The following ATXN2 variants were observed in gnomAD, a reference collection of about 807,000 sequenced individuals.
ATXN2 encodes ataxin-2.
Under a neutral mutation model 138.6 loss-of-function variants are expected in ATXN2, and 37 were observed. That is an observed-to-expected ratio of 0.27 (90% CI 0.21 to 0.35). The LOEUF is 0.35. ATXN2 is among the 10% of genes least tolerant of loss of function. ATXN2 has a pLI of 1.00. For synonymous variants in ATXN2, 549 were observed against 543.7 expected (o/e 1.01, Z -0.13); for missense variants, 1,216 against 1,480.3 (o/e 0.82, Z 2.93).
chr12:111,496,284 C>T (rs1230933178), intron 14 of ATXN2, among the ~76,000 whole-genome samples: 1 of 152,114 alleles, frequency 6.6e-6, no homozygotes, highest in Non-Finnish European at 1.5e-5. Context: ...GTAATTCCAG[C>T]ACTTTAGGAG....
chr12:111,498,895 T>C (rs1349637375), intron 14 of ATXN2, among the ~76,000 whole-genome samples: 7 of 152,116 alleles, frequency 4.6e-5, no homozygotes, highest in Non-Finnish European at 1.0e-4. Context: ...AATGAATCCA[T>C]ACGTCTAAGT....
At chr12:111,515,038 T>G (rs1879774991) in intron 10 of ATXN2, among the ~76,000 whole-genome samples, 1 of 152,142 alleles carries the variant, frequency 6.6e-6, no homozygotes. Flanking sequence ...AAGAAAAATA[T>G]CAACAGAATT....
chr12:111,548,718 G>T (rs1229332575), intron 5 of ATXN2, among the ~76,000 whole-genome samples: 1 of 152,036 alleles, frequency 6.6e-6, no homozygotes, highest in African/African-American at 2.4e-5. Flanking sequence ...GACAGAAAGG[G>T]GACTGTGAGG....
intron 14 of ATXN2, among the ~76,000 whole-genome samples, chr12:111,507,922 G>A (rs970409880): frequency 5.9e-5 from 9 of 152,088 alleles, no homozygotes; most frequent in Non-Finnish European, 8.8e-5. Flanking sequence ...GATTAAGGGC[G>A]GTGCAAGATG....
intron 18 of ATXN2, among the ~76,000 whole-genome samples, chr12:111,476,685 A>T (rs1465102361): frequency 6.6e-6 from 1 of 152,238 alleles, no homozygotes; most frequent in African/African-American, 2.4e-5. Context: ...TAAATTTAAG[A>T]AAGCAGGCAC....
intron 14 of ATXN2, among the ~76,000 whole-genome samples, chr12:111,508,444 T>C (rs966137782): frequency 2.9e-5 from 4 of 137,660 alleles, no homozygotes; most frequent in Admixed American, 1.4e-4. Context: ...TGAAAAACTT[T>C]TTTTTTTTTT....
chr12:111,581,236 CTTGG>C (rs1487213766), intron 1 of ATXN2: 1 of 326,928 alleles, frequency 3.1e-6, no homozygotes. Flanking sequence ...AAATAACCCT[CTTGG>C]TCTCAATTTC....
intron 1 of ATXN2, among the ~76,000 whole-genome samples, chr12:111,587,006 A>G (rs1884378784): frequency 6.7e-6 from 1 of 150,258 alleles, no homozygotes; most frequent in African/African-American, 2.4e-5. Flanking sequence ...AGGCTAAAGC[A>G]GGAGGACAGT....
rs752056918 is a variant in ATXN2 at position 111,485,733 on chromosome 12, G to A, written c.2437C>T (p.Pro813Ser). Residue 813 changes from proline (P) to serine (S), a missense_variant, in exon 17 of 25, where the codon CCA (proline) becomes TCA (serine). Transcript: ENST00000673436. ...CFAPNMMYPV[P>S]VSPGVQPLYP... ...CTTACTTGCACGCCTGGGCTCACTG[G>A]GACTGGATACATCATATTTGGTGCA... 1.2e-6 allele frequency: 2 copies of A among 1,613,898 alleles called. No homozygotes were observed. The highest frequency in any genetic ancestry group is 3.3e-5 in the Admixed American group (2 of 59,980).
intron 5 of ATXN2, among the ~76,000 whole-genome samples, chr12:111,540,778 TC>T (rs1436553031): frequency 7.0e-6 from 1 of 141,948 alleles, no homozygotes; most frequent in East Asian, 2.1e-4. Flanking sequence ...CACTGCAACC[TC>T]CACTTCCCAA....
intron 1 of ATXN2, among the ~76,000 whole-genome samples, chr12:111,586,965 CAA>C (rs1884375495): frequency 6.7e-6 from 1 of 149,830 alleles, no homozygotes; most frequent in Non-Finnish European, 1.5e-5. Context: ...TAAAAGTTCT[CAA>C]AGAGGCCATA....
chr12:111,505,306 T>C (rs1879040200), intron 14 of ATXN2, among the ~76,000 whole-genome samples: 1 of 152,180 alleles, frequency 6.6e-6, no homozygotes, highest in Non-Finnish European at 1.5e-5. Flanking sequence ...GATGAAACAG[T>C]ATTTTCTTAG....
At chr12:111,507,854 A>T (rs1040863152) in intron 14 of ATXN2, among the ~76,000 whole-genome samples, 10 of 152,196 alleles carry the variant, frequency 6.6e-5, no homozygotes, top group Admixed American at 6.5e-4. Context: ...TTGATCTATG[A>T]CCTTACCCCC....
chr12:111,524,734 A>G (rs1378433058), intron 6 of ATXN2, among the ~76,000 whole-genome samples: 1 of 152,236 alleles, frequency 6.6e-6, no homozygotes, highest in Non-Finnish European at 1.5e-5. Context: ...TTTAATTCCA[A>G]TGTAACCTAA....
chr12:111,489,079 T>C (rs1242327538), intron 14 of ATXN2, among the ~76,000 whole-genome samples: 2 of 152,178 alleles, frequency 1.3e-5, no homozygotes, highest in African/African-American at 4.8e-5. Context: ...ATAGTTTCTA[T>C]CCTCTTATAC....
At position 111,496,714 on chromosome 12, in the gene ATXN2, C is replaced by T. The variant is rs568500863; in HGVS notation, c.1936-7934G>A. ...AAATGAAAATGGAAACACAGCTTAT[C>T]AAAACCTATAGGATACAGTAAAAGC... On this transcript the variant is annotated intron_variant, in intron 14 of 24. Coordinates refer to ENST00000673436, the MANE Select transcript of ATXN2 (RefSeq NM_001372574.1). 6.1e-4 allele frequency among the ~76,000 whole-genome samples: 93 copies of T among 152,054 alleles called. 1 individual carries two copies. The highest frequency in any genetic ancestry group is 3.4e-3 in the Middle Eastern group (1 of 294).
intron 1 of ATXN2, among the ~76,000 whole-genome samples, chr12:111,565,149 G>A (rs891000182): frequency 1.3e-5 from 2 of 150,232 alleles, no homozygotes; most frequent in Non-Finnish European, 2.9e-5. Flanking sequence ...TAAAATTTGA[G>A]GTTGATCCAC....
At chr12:111,529,152 G>A (rs1285603320) in intron 5 of ATXN2, among the ~76,000 whole-genome samples, 1 of 151,958 alleles carries the variant, frequency 6.6e-6, no homozygotes, top group African/African-American at 2.4e-5. Flanking sequence ...AACACTGTTG[G>A]TAGTAAATAG....
chr12:111,577,226 C>T lies in ATXN2; in HGVS notation c.252-21307G>A, dbSNP rs1202529881. 3.3e-5 allele frequency among the ~76,000 whole-genome samples: 5 copies of T among 152,002 alleles called. No individual in the cohort carries two copies. The South Asian group carries it at 6.2e-4, about 19-fold the overall frequency. ...GCAAATATTTCCAAACAAGTCAGAT[C>T]GCAAATAAACACATGCACCGCATGT... On this transcript the variant is annotated intron_variant, in intron 1 of 24. Transcript: ENST00000673436.
Sources: gnomAD v4.1 joint callset for allele counts (sites outside exome capture counted in the v4.1 genomes callset) on GRCh38, gnomAD v4.1.1 for gene constraint, MANE v1.5 for transcripts, NCBI Gene and HGNC (gene_info 2026-07-23, HGNC 2026-07-21) for gene names.